Variants in GRIA2 observed in about 807,000 individuals in gnomAD.
GRIA2 encodes glutamate ionotropic receptor AMPA type subunit 2.
GRIA2 carries 14 observed loss-of-function variants against 97.3 expected under a neutral mutation model. The ratio of observed to expected loss-of-function variants is 0.14; its 90% CI spans 0.10 to 0.23. The LOEUF is 0.23. GRIA2 is among the 10% of genes least tolerant of loss of function. GRIA2 has a pLI of 1.00. For missense variants in GRIA2, 558 were observed against 1,069.8 expected (o/e 0.52, Z 6.67); for synonymous variants, 412 against 387.8 (o/e 1.06, Z -0.73).
At chr4:157,266,218 A>G (rs530329090) in intron 2 of GRIA2, among the ~76,000 whole-genome samples, 4 of 152,224 alleles carry the variant, frequency 2.6e-5, no homozygotes, top group Admixed American at 2.0e-4. Flanking sequence ...AATCAAATGT[A>G]TGGTCTGGGA....
chr4:157,230,182 G>A (rs187984191), intron 2 of GRIA2, among the ~76,000 whole-genome samples: 40 of 152,108 alleles, frequency 2.6e-4, no homozygotes, highest in African/African-American at 8.4e-4. Context: ...TCAAAATACC[G>A]TTCTGTTTCA....
chr4:157,358,109 A>G (rs549262842), intron 12 of GRIA2, among the ~76,000 whole-genome samples: 1 of 152,256 alleles, frequency 6.6e-6, no homozygotes, highest in Non-Finnish European at 1.5e-5. Context: ...GAGAATTCAC[A>G]TTACAAAAAA....
At chr4:157,343,652 C>G (rs567681793) in intron 12 of GRIA2, among the ~76,000 whole-genome samples, 14 of 152,102 alleles carry the variant, frequency 9.2e-5, no homozygotes, top group Admixed American at 7.2e-4. Flanking sequence ...GTCTCCTTAT[C>G]TAGAGAAAGA....
intron 12 of GRIA2, among the ~76,000 whole-genome samples, chr4:157,355,942 AAT>A (rs1491065937): frequency 7.8e-3 from 29 of 3,700 alleles, no homozygotes; most frequent in Admixed American, 0.021. Flanking sequence ...TTTATATATT[AAT>A]ATATATTTAT....
intron 11 of GRIA2, among the ~76,000 whole-genome samples, chr4:157,338,041 T>C (rs1291355574): frequency 1.2e-3 from 24 of 20,446 alleles, no homozygotes; most frequent in African/African-American, 2.4e-4. Flanking sequence ...TATATATATA[T>C]ATATATATAC....
At chr4:157,259,255 G>T (rs1731419932) in intron 2 of GRIA2, among the ~76,000 whole-genome samples, 1 of 151,894 alleles carries the variant, frequency 6.6e-6, no homozygotes, top group South Asian at 2.1e-4. Flanking sequence ...AAGTGAAGAG[G>T]AAGAGAAAAT....
chr4:157,287,896 C>T (rs945477888), intron 2 of GRIA2, among the ~76,000 whole-genome samples: 1 of 151,330 alleles, frequency 6.6e-6, no homozygotes, highest in Non-Finnish European at 1.5e-5. Context: ...TTCTGTTTTC[C>T]GTGTATTATC....
At chr4:157,237,075 ATT>A (rs2126707253) in intron 2 of GRIA2, among the ~76,000 whole-genome samples, 1 of 152,130 alleles carries the variant, frequency 6.6e-6, no homozygotes, top group South Asian at 2.1e-4. Flanking sequence ...TCAGAAAAAC[ATT>A]TCCCACCGTA....
intron 2 of GRIA2, among the ~76,000 whole-genome samples, chr4:157,237,383 C>T (rs535495036): frequency 6.6e-6 from 1 of 151,750 alleles, no homozygotes; most frequent in East Asian, 1.9e-4. Flanking sequence ...TAACCGCAAA[C>T]TCCTGAGCTC....
chr4:157,323,454 G>C (rs1026279306), intron 6 of GRIA2, among the ~76,000 whole-genome samples: 1 of 151,148 alleles, frequency 6.6e-6, no homozygotes, highest in African/African-American at 2.4e-5. Flanking sequence ...GTTGGTGTCA[G>C]CGTATGTATC....
chr4:157,225,844 A>G lies in GRIA2; in HGVS notation c.229+4037A>G, dbSNP rs1206814526. Among the ~76,000 whole-genome samples, 5 of 152,000 alleles carry G rather than the reference A, an allele frequency of 3.3e-5. No homozygotes were observed. The East Asian group carries it at 5.8e-4, about 18-fold the overall frequency. ...AAAATAGTAACTTTCATATTAATAT[A>G]TATATACACCACGTATTGTATGTAG... On this transcript the variant is annotated intron_variant, in intron 2 of 15. Transcript: ENST00000264426.
At chr4:157,273,097 A>G (rs537679986) in intron 2 of GRIA2, among the ~76,000 whole-genome samples, 3 of 152,208 alleles carry the variant, frequency 2.0e-5, no homozygotes, top group African/African-American at 7.2e-5. Flanking sequence ...AAAATATACT[A>G]TAAGAAATAT....
rs1331809517 is a variant in GRIA2, at chr4:157,334,140, A to G, written c.1266+20A>G. 9 of 1,167,830 alleles carry G rather than the reference A, an allele frequency of 7.7e-6. No homozygotes were observed. Among genetic ancestry groups the G allele is most frequent in the Non-Finnish European group, 1.2e-5 (9 of 773,216 alleles). The allele number at this position is 1,167,830 out of a possible 1,614,324, so 72.3% of individuals were successfully genotyped here. ...ATTTTGGTAATTTGCTACATATGCC[A>G]TGTTTTACTTTGTATTTTCTTATGG... On this transcript the variant is annotated intron_variant, in intron 9 of 15. Coordinates refer to ENST00000264426, the MANE Select transcript of GRIA2 (RefSeq NM_001083619.3).
chr4:157,363,674 A>G lies in GRIA2; in HGVS notation c.*243A>G. 1 of 743,670 alleles carries G rather than the reference A, an allele frequency of 1.3e-6. No homozygotes were observed. The highest frequency in any genetic ancestry group is 1.9e-6 in the Non-Finnish European group (1 of 540,380). The allele number at this position is 743,670 out of a possible 1,614,324, so 46.1% of individuals were successfully genotyped here. On this transcript the variant is annotated 3_prime_UTR_variant, in exon 16 of 16. Coordinates refer to ENST00000264426, the MANE Select transcript of GRIA2 (RefSeq NM_001083619.3). ...ATTGTCAAAGTGGTGAGAGGCATCCAGTATCTTGAAGACTTTTCTTTCAGC... is the reference window on the plus strand; with the variant it reads ...ATTGTCAAAGTGGTGAGAGGCATCCGGTATCTTGAAGACTTTTCTTTCAGC...
intron 2 of GRIA2, among the ~76,000 whole-genome samples, chr4:157,250,271 A>G (rs1730963944): frequency 6.6e-6 from 1 of 152,138 alleles, no homozygotes; most frequent in Non-Finnish European, 1.5e-5. Flanking sequence ...AACTTGATGA[A>G]AAATCTTATT....
At chr4:157,300,643 A>T (rs1480131055) in intron 2 of GRIA2, among the ~76,000 whole-genome samples, 1 of 152,194 alleles carries the variant, frequency 6.6e-6, no homozygotes, top group Admixed American at 6.5e-5. Flanking sequence ...TGCAATGAAG[A>T]AATAAAGGAT....
intron 9 of GRIA2, chr4:157,334,552 C>T (rs919527343): frequency 1.3e-5 from 2 of 155,338 alleles, no homozygotes; most frequent in African/African-American, 2.4e-5. Flanking sequence ...GATTATTTCC[C>T]TTGTTTTTAC....
intron 2 of GRIA2, among the ~76,000 whole-genome samples, chr4:157,256,232 T>A (rs1456248729): frequency 3.3e-5 from 4 of 121,140 alleles, no homozygotes; most frequent in East Asian, 4.2e-4. Flanking sequence ...ATATAATATA[T>A]AATATATATA....
chr4:157,258,748 C>A (rs1160730258), intron 2 of GRIA2, among the ~76,000 whole-genome samples: 1 of 151,976 alleles, frequency 6.6e-6, no homozygotes, highest in African/African-American at 2.4e-5. Context: ...TGATGTCTCC[C>A]CGAACACCCA....
Sources: allele counts gnomAD v4.1 joint callset (sites outside exome capture counted in the v4.1 genomes callset), GRCh38; gene constraint gnomAD v4.1.1; transcripts MANE v1.5; gene names NCBI Gene and HGNC (gene_info 2026-07-23, HGNC 2026-07-21).